Variants in RNF17 observed in about 807,000 individuals in gnomAD.
RNF17 encodes the protein ring finger protein 17, also known as spermatogenesis associated 23.
RNF17 carries 31 observed loss-of-function variants against 200.5 expected under a neutral mutation model. The observed-to-expected ratio is 0.15, with a 90% CI of 0.12 to 0.21. RNF17 has a LOEUF of 0.21. Ranked by LOEUF, RNF17 falls within the 10% of genes least tolerant of loss-of-function variation. The pLI is 1.00. For missense variants in RNF17, 1,628 were observed against 1,905.1 expected (o/e 0.85, Z 2.71); for synonymous variants, 606 against 637.8 (o/e 0.95, Z 0.75).
chr13:24,763,929 A>G (rs949394402), upstream of RNF17, among the ~76,000 whole-genome samples: 5 of 152,346 alleles, frequency 3.3e-5, no homozygotes, highest in African/African-American at 1.2e-4. Context: ...CGAAATTTTA[A>G]TTTGTGATGA....
In RNF17 at chr13:24,849,660, A is replaced by G. The variant is rs76067337; in HGVS notation, c.3102-681A>G. 5.3e-3 allele frequency among the ~76,000 whole-genome samples: 814 copies of G among 152,316 alleles called. 22 individuals carry two copies. In the East Asian group the frequency reaches 0.081, roughly 15 times the overall value. ...TATTTATTGAGCATTTTTTCAAACT[A>G]TGCATTACTGTCTGACAGTATTTGC... On this transcript the variant is annotated intron_variant, in intron 22 of 35. Transcript: ENST00000255324.
intron 4 of RNF17, 50 bp downstream of exon 4, chr13:24,778,456 T>C: frequency 8.5e-7 from 1 of 1,178,580 alleles, no homozygotes. Flanking sequence ...CGTTTGACTT[T>C]GTCTCTAGTA....
chr13:24,873,850 T>C lies in RNF17; in HGVS notation c.4448-264T>C, dbSNP rs76438797. Among the ~76,000 whole-genome samples, 1,170 of 152,338 alleles carry C rather than the reference T, an allele frequency of 7.7e-3. 27 individuals are homozygous for C. Among genetic ancestry groups the C allele is most frequent in the African/African-American group, 0.027 (1,106 of 41,576 alleles). ...TGTGCTTGTCTTATCTTAGTTAATA[T>C]AATGATCCATCCATGTTGCTGCAAA... On this transcript the variant is annotated intron_variant, in intron 32 of 35. Transcript: ENST00000255324.
intron 2 of RNF17, among the ~76,000 whole-genome samples, chr13:24,767,759 A>AAC (rs1018276754): frequency 6.6e-6 from 1 of 152,072 alleles, no homozygotes; most frequent in African/African-American, 2.4e-5. Context: ...AAAAAAAAAA[A>AAC]AAACCCTAAA....
At chr13:24,832,447 T>C (rs1445507936) in intron 18 of RNF17, among the ~76,000 whole-genome samples, 1 of 152,214 alleles carries the variant, frequency 6.6e-6, no homozygotes, top group African/African-American at 2.4e-5. Flanking sequence ...GGGACCAAAA[T>C]AGAGTCTGAC....
intron 18 of RNF17, among the ~76,000 whole-genome samples, chr13:24,835,526 G>C (rs1017406117): frequency 6.6e-6 from 1 of 152,102 alleles, no homozygotes; most frequent in African/African-American, 2.4e-5. Context: ...CAGTACCAGC[G>C]CAGAACCAGG....
At chr13:24,871,297 A>T (rs1424267895) in intron 32 of RNF17, among the ~76,000 whole-genome samples, 1 of 152,210 alleles carries the variant, frequency 6.6e-6, no homozygotes, top group Non-Finnish European at 1.5e-5. Context: ...TTAGCAAAGG[A>T]AAAACACACA....
chr13:24,843,600 A>C (rs1219862135), intron 19 of RNF17, 144 bp from the exon 20 acceptor site: 1 of 647,344 alleles, frequency 1.5e-6, no homozygotes, highest in Non-Finnish European at 2.7e-6. Flanking sequence ...TATACAGTAA[A>C]AAGTCACCTG....
At chr13:24,769,200 A>G (rs1880295671) in intron 2 of RNF17, among the ~76,000 whole-genome samples, 1 of 151,952 alleles carries the variant, frequency 6.6e-6, no homozygotes, top group Admixed American at 6.6e-5. Flanking sequence ...AAAAAAAAAA[A>G]GACTTGGCAA....
intron 16 of RNF17, chr13:24,826,064 C>G (rs1888589732): frequency 1.0e-6 from 1 of 984,888 alleles, no homozygotes; most frequent in South Asian, 4.7e-5. Context: ...TTGATGTTGA[C>G]TGTTTGTCTG....
chr13:24,762,141 G>A (rs9578782), upstream of RNF17, among the ~76,000 whole-genome samples: 26,845 of 151,986 alleles, frequency 0.18, 2,547 homozygotes, highest in South Asian at 0.34. Flanking sequence ...GGCCTAAGGC[G>A]GGCAGACTGC....
intron 24 of RNF17, among the ~76,000 whole-genome samples, chr13:24,852,556 A>G (rs1892057207): frequency 6.6e-6 from 1 of 152,152 alleles, no homozygotes; most frequent in South Asian, 2.1e-4. Flanking sequence ...CTTAACTTAT[A>G]TCTTACCTTC....
intron 1 of RNF17, 92 bp downstream of exon 1, chr13:24,764,425 C>G (rs1879251368): frequency 2.8e-6 from 4 of 1,444,232 alleles, no homozygotes; most frequent in African/African-American, 1.4e-5. Flanking sequence ...GCTTGGTCAG[C>G]TGCATCCAAT....
the RNF17 span, among the ~76,000 whole-genome samples, chr13:24,888,260 A>T: frequency 2.0e-5 from 3 of 147,060 alleles, no homozygotes; most frequent in Non-Finnish European, 4.4e-5. Flanking sequence ...AACATACATT[A>T]AAAAAAACAC....
At chr13:24,886,312 TG>T in the RNF17 span, 1 of 1,289,190 alleles carries the variant, frequency 7.8e-7, no homozygotes, top group Admixed American at 2.3e-5. Flanking sequence ...TACGGGAGAA[TG>T]GCCTGAAGGA....
Position 24,851,589 on chromosome 13 carries a change from A to T in RNF17, c.3320+18A>T, listed in dbSNP as rs770238920. Reference sequence around the variant, plus strand: ...GAAAGGAGGTATAGACTTTTTTAAAAAATTTTGACATCAGTTTGTGATGGA... The same window carrying T: ...GAAAGGAGGTATAGACTTTTTTAAATAATTTTGACATCAGTTTGTGATGGA... On this transcript the variant is annotated intron_variant, in intron 24 of 35. Coordinates refer to ENST00000255324, the MANE Select transcript of RNF17 (RefSeq NM_031277.3). 1 of 1,518,506 alleles carries T rather than the reference A, an allele frequency of 6.6e-7. No homozygotes were observed. Among genetic ancestry groups the T allele is most frequent in the South Asian group, 1.2e-5 (1 of 84,798 alleles). 94.1% of individuals were successfully genotyped at this position (1,518,506 alleles called of 1,614,324 possible). A position where few individuals can be genotyped will look rare whatever the true frequency, so the allele number is the denominator to read the frequency against.
chr13:24,781,905 A>C lies in RNF17; in HGVS notation c.572A>C (p.Glu191Ala), dbSNP rs750060047. 25 of 1,613,300 alleles carry C rather than the reference A, an allele frequency of 1.5e-5. No homozygotes were observed. In the Admixed American group the frequency reaches 4.2e-4, roughly 27 times the overall value. Residue 191 changes from glutamate to alanine, a missense_variant, in exon 6 of 36, where the codon GAG (glutamate) becomes GCG (alanine). Glu to Ala is a moderately radical substitution (Grantham distance 107). Around this residue, in one of 5 missense-constraint regions of RNF17, gnomAD observed 502 missense variants for 501.7 expected, o/e 1.00. Transcript: ENST00000255324. Reference protein sequence around the residue: ...EERERVIEVVEKQFDQLLAFF... With the variant: ...EERERVIEVVAKQFDQLLAFF... ...AGAGAAAGAGTTATAGAAGTTGTGG[A>C]GAAACAGTTTGACCAACTTTTGGCT...
At chr13:24,871,957 A>ATT (rs1894313886) in intron 32 of RNF17, among the ~76,000 whole-genome samples, 1 of 63,834 alleles carries the variant, frequency 1.6e-5, no homozygotes, top group Non-Finnish European at 2.9e-5. Flanking sequence ...TTTATTGATG[A>ATT]CTTTTTTTTT....
chr13:24,749,450 T>C, the RNF17 span, among the ~76,000 whole-genome samples: 1 of 152,014 alleles, frequency 6.6e-6, no homozygotes, highest in East Asian at 1.9e-4. Context: ...ACCACTGGTG[T>C]GCAACACCAC....
Sources: allele counts gnomAD v4.1 joint callset (sites outside exome capture counted in the v4.1 genomes callset), GRCh38; gene constraint gnomAD v4.1.1; regional missense constraint gnomAD v4.1.1; transcripts MANE v1.5; gene names NCBI Gene and HGNC (gene_info 2026-07-23, HGNC 2026-07-21).